RBFOX1: variants seen among roughly 807,000 people sequenced by gnomAD.
RBFOX1 encodes the protein RNA binding fox-1 homolog 1.
In RBFOX1, 8 loss-of-function variants were observed where a neutral mutation model predicts 57.7. The observed-to-expected ratio is 0.14, with a 90% CI of 0.08 to 0.25. RBFOX1 has a LOEUF of 0.25. Among genes scored for constraint, RBFOX1 ranks in the 10% least tolerant of loss-of-function variants. RBFOX1 has a pLI of 1.00. For synonymous variants in RBFOX1, 326 were observed against 222.4 expected, an observed-to-expected ratio of 1.47 and a Z score of -4.15; for missense variants, 611 against 548.5, an observed-to-expected ratio of 1.11 and a Z score of -1.14.
intron 5 of RBFOX1, among the ~76,000 whole-genome samples, chr16:7,536,103 A>G (rs989209768): frequency 3.9e-5 from 6 of 152,208 alleles, no homozygotes; most frequent in African/African-American, 1.4e-4. Flanking sequence ...CCATGGAAAT[A>G]AGAAAACACT....
At position 5,312,452 on chromosome 16, in the gene RBFOX1, G is replaced by C. The variant is rs141516417; in HGVS notation, c.219+72347G>C. Among the ~76,000 whole-genome samples the C allele has an allele frequency of 7.3e-3, 1,113 of 152,238 alleles. 11 individuals carry two copies. Among genetic ancestry groups the C allele is most frequent in the African/African-American group, 0.025 (1,046 of 41,532 alleles). The stretch of plus-strand genomic sequence containing the variant: ...TCCTGCCTCAGCCTCCTGAGTAGCT[G>C]GGATTACAGGTGCCTGCCCGTGACC... On this transcript the variant is annotated intron_variant, in intron 1 of 2. Transcript: ENST00000585867.
rs2059274310 is a variant in RBFOX1, at chr16:5,941,366, T to C, written c.351+74031T>C. Among the ~76,000 whole-genome samples, 5 of 151,896 alleles carry C rather than the reference T, an allele frequency of 3.3e-5. No homozygotes were observed. The South Asian group carries it at 1.0e-3, about 32-fold the overall frequency. ...TTAGCTGGGCATGGTAGAGCATGCC[T>C]GTCGTCCCAGCTACTTGAGGGGCTA... On this transcript the variant is annotated intron_variant, in intron 4 of 19. Coordinates refer to the RBFOX1 transcript ENST00000641259.
intron 1 of RBFOX1, among the ~76,000 whole-genome samples, chr16:6,147,714 C>G (rs2096769250): frequency 6.6e-6 from 1 of 152,212 alleles, no homozygotes. Context: ...ACGTTCAACT[C>G]AAAAGCCTCC....
At chr16:7,447,683 C>G (rs755942454) in intron 4 of RBFOX1, among the ~76,000 whole-genome samples, 1 of 152,206 alleles carries the variant, frequency 6.6e-6, no homozygotes, top group Non-Finnish European at 1.5e-5. Context: ...CTATGAACCT[C>G]TGCCTCTGTT....
At chr16:7,532,257 G>A (rs1248664187) in intron 5 of RBFOX1, among the ~76,000 whole-genome samples, 2 of 151,838 alleles carry the variant, frequency 1.3e-5, no homozygotes, top group Non-Finnish European at 2.9e-5. Flanking sequence ...CAGTTATGCC[G>A]GGAGTTGCCT....
At chr16:5,631,983 C>G (rs2048524877) in intron 3 of RBFOX1, among the ~76,000 whole-genome samples, 1 of 152,144 alleles carries the variant, frequency 6.6e-6, no homozygotes, top group African/African-American at 2.4e-5. Flanking sequence ...CCTGTTTGCT[C>G]TCTATAAGCT....
chr16:7,140,198 C>A (rs570558326), intron 4 of RBFOX1, among the ~76,000 whole-genome samples: 1 of 141,514 alleles, frequency 7.1e-6, no homozygotes, highest in African/African-American at 2.6e-5. Flanking sequence ...CTCTCTCCCT[C>A]CTTCTCCCTC....
chr16:6,172,569 A>T (rs1048838291), intron 1 of RBFOX1, among the ~76,000 whole-genome samples: 2 of 152,116 alleles, frequency 1.3e-5, no homozygotes, highest in African/African-American at 4.8e-5. Context: ...CACAGTCTAG[A>T]ATAATGGATG....
chr16:5,358,927 A>G (rs563367459), intron 1 of RBFOX1, among the ~76,000 whole-genome samples: 1 of 152,226 alleles, frequency 6.6e-6, no homozygotes, highest in Admixed American at 6.5e-5. Flanking sequence ...GTGTTTTGAT[A>G]CCCATTATTC....
intron 4 of RBFOX1, among the ~76,000 whole-genome samples, chr16:7,409,714 T>C (rs766065606): frequency 1.3e-5 from 2 of 152,252 alleles, no homozygotes; most frequent in African/African-American, 2.4e-5. Context: ...CACCTTGATT[T>C]CGTTGGAAGT....
chr16:7,503,400 C>G (rs2071663224), intron 4 of RBFOX1, among the ~76,000 whole-genome samples: 2 of 152,210 alleles, frequency 1.3e-5, no homozygotes, highest in South Asian at 2.1e-4. Context: ...AGAGAATACT[C>G]TGGACAGCTA....
At chr16:7,596,924 G>T (rs1393286961) in intron 8 of RBFOX1, among the ~76,000 whole-genome samples, 2 of 152,164 alleles carry the variant, frequency 1.3e-5, no homozygotes, top group Non-Finnish European at 2.9e-5. Flanking sequence ...GTTGCACACG[G>T]CTAAGACTTG....
At chr16:6,774,002 C>G in intron 3 of RBFOX1, 1 of 985,276 alleles carries the variant, frequency 1.0e-6, no homozygotes, top group East Asian at 1.1e-4. Flanking sequence ...TAATTAGCTC[C>G]TCAGAGACCA....
chr16:6,653,086 G>C (rs2098610031), intron 2 of RBFOX1, among the ~76,000 whole-genome samples: 3 of 152,012 alleles, frequency 2.0e-5, no homozygotes, highest in Admixed American at 2.0e-4. Flanking sequence ...TTGGGGCTTT[G>C]AACTTGCTCT....
intron 3 of RBFOX1, among the ~76,000 whole-genome samples, chr16:6,953,530 GGT>G (rs1424258223): frequency 1.3e-5 from 2 of 151,898 alleles, no homozygotes; most frequent in African/African-American, 4.8e-5. Context: ...GGATTACGGG[GGT>G]GTGTCACCAC....
At chr16:7,112,059 T>A (rs557638590) in intron 4 of RBFOX1, among the ~76,000 whole-genome samples, 72 of 152,296 alleles carry the variant, frequency 4.7e-4, no homozygotes, top group Middle Eastern at 6.8e-3. Context: ...AGTGTGTGTG[T>A]GAGAGAGATA....
At chr16:7,037,973 A>T (rs1472582357) in intron 3 of RBFOX1, among the ~76,000 whole-genome samples, 1 of 152,340 alleles carries the variant, frequency 6.6e-6, no homozygotes, top group East Asian at 1.9e-4. Flanking sequence ...GTAATATCCA[A>T]TGAGAAAGAA....
intron 1 of RBFOX1, among the ~76,000 whole-genome samples, chr16:6,069,320 C>T (rs2095806013): frequency 6.7e-6 from 1 of 150,214 alleles, no homozygotes; most frequent in Non-Finnish European, 1.5e-5. Flanking sequence ...ATCACTTGAA[C>T]CTGGAAGGCG....
chr16:7,142,826 TAGAA>T (rs1303996605), intron 4 of RBFOX1, among the ~76,000 whole-genome samples: 1 of 152,118 alleles, frequency 6.6e-6, no homozygotes, highest in Non-Finnish European at 1.5e-5. Context: ...GAATGAAAGA[TAGAA>T]AGAAAATGGT....
Sources: allele counts gnomAD v4.1 joint callset (sites outside exome capture counted in the v4.1 genomes callset), GRCh38; gene constraint gnomAD v4.1.1; transcripts MANE v1.5; gene names NCBI Gene and HGNC (gene_info 2026-07-23, HGNC 2026-07-21).